The following VRK2 variants were observed in gnomAD, a reference collection of about 807,000 sequenced individuals.
VRK2 encodes the protein VRK serine/threonine kinase 2.
Under a neutral mutation model 57.6 loss-of-function variants are expected in VRK2, and 60 were observed. That is an observed-to-expected ratio of 1.04 (90% confidence interval 0.85 to 1.29). VRK2 has a LOEUF of 1.29. Ranked by LOEUF, VRK2 falls within the 50% of genes most tolerant of loss-of-function variation. The pLI, the probability that VRK2 is intolerant of heterozygous loss-of-function variation, is 0.00. For missense variants in VRK2, 705 were observed against 588.1 expected (o/e 1.20, Z -2.06); for synonymous variants, 231 against 199.2 (o/e 1.16, Z -1.35).
At chr2:58,149,996 CTTTTTT>C (rs55783668) in intron 12 of VRK2, among the ~76,000 whole-genome samples, 1 of 108,346 alleles carries the variant, frequency 9.2e-6, no homozygotes, top group Admixed American at 9.5e-5. Context: ...TTTTTCTTTT[CTTTTTT>C]TTTTTTTTTT....
At chr2:58,000,344 T>C (rs529675344) in intron 1 of VRK2, among the ~76,000 whole-genome samples, 5 of 152,192 alleles carry the variant, frequency 3.3e-5, no homozygotes, top group African/African-American at 4.8e-5. Flanking sequence ...CATTATACTA[T>C]AAAAGAAATG....
intron 1 of VRK2, among the ~76,000 whole-genome samples, chr2:57,913,154 C>T (rs1021565431): frequency 6.6e-6 from 1 of 152,152 alleles, no homozygotes; most frequent in Non-Finnish European, 1.5e-5. Context: ...CATGGACATT[C>T]TAAGATCATG....
At chr2:57,933,313 T>TTC (rs1558500312) in intron 1 of VRK2, among the ~76,000 whole-genome samples, 1 of 128,698 alleles carries the variant, frequency 7.8e-6, no homozygotes, top group Non-Finnish European at 1.6e-5. Flanking sequence ...CTTTTTCTTT[T>TTC]TTTTTTTTTT....
chr2:57,912,354 C>T (rs1478080461), intron 1 of VRK2, among the ~76,000 whole-genome samples: 1 of 152,154 alleles, frequency 6.6e-6, no homozygotes, highest in East Asian at 1.9e-4. Context: ...GGACACATTA[C>T]TGCATGAAAA....
chr2:57,933,280 G>A (rs1670790308), intron 1 of VRK2, among the ~76,000 whole-genome samples: 1 of 118,560 alleles, frequency 8.4e-6, no homozygotes, highest in Non-Finnish European at 1.8e-5. Flanking sequence ...ATCAATTACT[G>A]TATTGCTATT....
At chr2:58,133,094 C>A (rs1178468334) in intron 9 of VRK2, among the ~76,000 whole-genome samples, 1 of 151,936 alleles carries the variant, frequency 6.6e-6, no homozygotes, top group African/African-American at 2.4e-5. Flanking sequence ...TTTTAAAAAA[C>A]TAACATTTTA....
At chr2:58,111,961 A>G (rs1675637624) in intron 7 of VRK2, among the ~76,000 whole-genome samples, 1 of 152,066 alleles carries the variant, frequency 6.6e-6, no homozygotes. Flanking sequence ...CTTTCCCTTT[A>G]CAATTCTATA....
rs773507582 is a variant in VRK2, at chr2:58,048,908, G to GCAAT, written c.80_83dup (p.Trp29SerfsTer24). The GCAAT allele has an allele frequency of 1.7e-5, 27 of 1,613,866 alleles. No homozygotes were observed. The highest frequency in any genetic ancestry group is 2.2e-5 in the Non-Finnish European group (26 of 1,179,946). On this transcript the variant is annotated frameshift_variant, in exon 2 of 13. Coordinates refer to ENST00000340157, the MANE Select transcript of VRK2 (RefSeq NM_006296.7). LOFTEE classifies it high-confidence loss of function. ...GGCAAGGTTCTGGATGATATGGAAG[G>GCAAT]CAATCAGTGGGTACTGGGCAAGAAG... is the stretch of plus-strand genomic sequence containing the variant.
At chr2:58,119,609 C>A (rs1387485571) in intron 7 of VRK2, among the ~76,000 whole-genome samples, 1 of 151,296 alleles carries the variant, frequency 6.6e-6, no homozygotes, top group Non-Finnish European at 1.5e-5. Context: ...TTGACTTCTT[C>A]TTATGTATAG....
chr2:58,093,191 G>A (rs1462296613), intron 7 of VRK2, among the ~76,000 whole-genome samples: 4 of 152,162 alleles, frequency 2.6e-5, no homozygotes, highest in Non-Finnish European at 5.9e-5. Flanking sequence ...TAATGGGATG[G>A]CTGGGTCAAA....
rs145463017 is a variant in VRK2, at chr2:57,945,960, G to A, written c.-439+38121G>A. Reference sequence around the variant, plus strand: ...TTAATATATTTAGACCAACTTAACCGGAGCAAAAGACCCAAAGGTCCACTA... The same window carrying A: ...TTAATATATTTAGACCAACTTAACCAGAGCAAAAGACCCAAAGGTCCACTA... On this transcript the variant is annotated intron_variant, in intron 1 of 15. Coordinates refer to the VRK2 transcript ENST00000417641. Among the ~76,000 whole-genome samples the A allele has an allele frequency of 4.5e-4, 68 of 152,100 alleles. No homozygotes were observed. In the East Asian group the frequency reaches 0.011, roughly 24 times the overall value.
At chr2:57,957,667 T>C (rs1017692997) in intron 1 of VRK2, among the ~76,000 whole-genome samples, 1 of 149,488 alleles carries the variant, frequency 6.7e-6, no homozygotes, top group African/African-American at 2.4e-5. Context: ...TAGACATAGA[T>C]ATTTGACCAC....
chr2:58,135,778 T>C (rs1356093414), intron 10 of VRK2, among the ~76,000 whole-genome samples: 1 of 152,214 alleles, frequency 6.6e-6, no homozygotes, highest in Non-Finnish European at 1.5e-5. Context: ...ATGTTATCAA[T>C]ACATATTGTA....
At chr2:58,000,611 T>C (rs1298174403) in intron 1 of VRK2, among the ~76,000 whole-genome samples, 3 of 152,214 alleles carry the variant, frequency 2.0e-5, no homozygotes, top group African/African-American at 7.2e-5. Context: ...CCTCAGGCTT[T>C]GGGGACATTA....
chr2:58,159,136 A>ATTT, intron 12 of VRK2: 1 of 413,432 alleles, frequency 2.4e-6, no homozygotes, highest in East Asian at 3.7e-5. Flanking sequence ...GAACCACTCA[A>ATTT]ATTATATCCA....
chr2:57,909,084 G>A (rs1301791367), intron 1 of VRK2, among the ~76,000 whole-genome samples: 1 of 152,136 alleles, frequency 6.6e-6, no homozygotes, highest in Non-Finnish European at 1.5e-5. Context: ...CCTCCCCTTT[G>A]CATTCCCTCA....
intron 1 of VRK2, among the ~76,000 whole-genome samples, chr2:57,973,718 A>C (rs1672164478): frequency 2.0e-5 from 3 of 151,870 alleles, no homozygotes; most frequent in Admixed American, 6.6e-5. Context: ...CATCATTTTC[A>C]AGAGCTAAAA....
chr2:58,034,359 A>G (rs923611495), intron 3 of VRK2, among the ~76,000 whole-genome samples: 2 of 151,816 alleles, frequency 1.3e-5, no homozygotes, highest in Non-Finnish European at 2.9e-5. Flanking sequence ...TTTCTTTCCC[A>G]GTTTGCCCGC....
chr2:58,155,855 G>C (rs970089286), intron 12 of VRK2, among the ~76,000 whole-genome samples: 3 of 144,914 alleles, frequency 2.1e-5, no homozygotes, highest in African/African-American at 7.6e-5. Context: ...GGTATAAAAA[G>C]ATTCTGTCCT....
Sources: gnomAD v4.1 joint callset for allele counts (sites outside exome capture counted in the v4.1 genomes callset) on GRCh38, gnomAD v4.1.1 for gene constraint, MANE v1.5 for transcripts, NCBI Gene and HGNC (gene_info 2026-07-23, HGNC 2026-07-21) for gene names.